SLC2A13: variants seen among roughly 807,000 people sequenced by gnomAD.
The protein encoded by SLC2A13 is solute carrier family 2 member 13.
In SLC2A13, 32 loss-of-function variants were observed where a neutral mutation model predicts 64.4. The observed-to-expected ratio is 0.50, with a 90% CI of 0.37 to 0.67. The LOEUF is 0.67. Ranked by LOEUF, SLC2A13 falls within the 30% of genes least tolerant of loss-of-function variation. The probability of loss-of-function intolerance (pLI) is 0.00; values close to 1 mark genes in which losing one functional copy is unlikely to be tolerated. For missense variants in SLC2A13, 743 were observed against 829.2 expected, an observed-to-expected ratio of 0.90 and a Z score of 1.28; for synonymous variants, 338 against 327.1, an observed-to-expected ratio of 1.03 and a Z score of -0.36.
chr12:39,814,684 C>T (rs1012736753), intron 7 of SLC2A13, among the ~76,000 whole-genome samples: 1 of 152,156 alleles, frequency 6.6e-6, no homozygotes, highest in Non-Finnish European at 1.5e-5. Context: ...CATACAATTA[C>T]GTCTGCTATC....
chr12:40,096,387 ATTTTC>A (rs1450303697), intron 1 of SLC2A13, among the ~76,000 whole-genome samples: 4 of 151,916 alleles, frequency 2.6e-5, no homozygotes, highest in African/African-American at 7.2e-5. Context: ...GGATAAATAT[ATTTTC>A]TTTTAAGTAA....
At chr12:40,050,975 T>C (rs984631010) in intron 1 of SLC2A13, among the ~76,000 whole-genome samples, 2 of 152,190 alleles carry the variant, frequency 1.3e-5, no homozygotes, top group African/African-American at 4.8e-5. Flanking sequence ...AGGTAGTCAA[T>C]AAGATCAGCA....
intron 3 of SLC2A13, among the ~76,000 whole-genome samples, chr12:39,992,910 T>C (rs1434170835): frequency 6.6e-6 from 1 of 152,244 alleles, no homozygotes; most frequent in Non-Finnish European, 1.5e-5. Context: ...GTTATTTTCC[T>C]TTCCTTAACC....
chr12:39,761,703 G>A (rs1340750047), intron 9 of SLC2A13, among the ~76,000 whole-genome samples: 2 of 151,950 alleles, frequency 1.3e-5, no homozygotes, highest in Non-Finnish European at 2.9e-5. Flanking sequence ...GGTAGGAAGA[G>A]AAATGGAATC....
chr12:40,031,132 G>C (rs1438009588), intron 2 of SLC2A13, among the ~76,000 whole-genome samples: 1 of 152,174 alleles, frequency 6.6e-6, no homozygotes, highest in Non-Finnish European at 1.5e-5. Flanking sequence ...GAGCTTATAT[G>C]ACAGAGAGGA....
At chr12:39,869,702 T>A (rs367817735) in intron 5 of SLC2A13, among the ~76,000 whole-genome samples, 26 of 151,592 alleles carry the variant, frequency 1.7e-4, no homozygotes, top group African/African-American at 6.3e-4. Flanking sequence ...TGGAAATCCT[T>A]GGGCAGAAGA....
chr12:40,016,250 T>C (rs578142566), intron 3 of SLC2A13, among the ~76,000 whole-genome samples: 95 of 152,252 alleles, frequency 6.2e-4, no homozygotes, highest in Non-Finnish European at 1.1e-3. Context: ...ATTATTAAGC[T>C]TAAGACAGAA....
chr12:39,797,213 G>T (rs1431313493), intron 7 of SLC2A13, among the ~76,000 whole-genome samples: 1 of 152,104 alleles, frequency 6.6e-6, no homozygotes, highest in African/African-American at 2.4e-5. Flanking sequence ...AAGTAAGCAC[G>T]CCAACATACC....
At chr12:40,078,514 C>CGATGTG (rs1938268701) in intron 1 of SLC2A13, among the ~76,000 whole-genome samples, 1 of 152,092 alleles carries the variant, frequency 6.6e-6, no homozygotes, top group Non-Finnish European at 1.5e-5. Context: ...ATTAGCTTTT[C>CGATGTG]GATGTGCTGC....
chr12:39,775,108 T>C (rs890617208), intron 7 of SLC2A13, among the ~76,000 whole-genome samples: 2 of 152,222 alleles, frequency 1.3e-5, no homozygotes, highest in Non-Finnish European at 2.9e-5. Flanking sequence ...TGTACTTTTC[T>C]CTGTGCTTTC....
At chr12:39,793,606 A>C (rs1941478218) in intron 7 of SLC2A13, among the ~76,000 whole-genome samples, 1 of 152,124 alleles carries the variant, frequency 6.6e-6, no homozygotes, top group South Asian at 2.1e-4. Flanking sequence ...GCCAACCAGA[A>C]TCTCTTCTGC....
At chr12:40,038,759 AGGGAAAGGGAAG>A (rs1364948097) in intron 2 of SLC2A13, among the ~76,000 whole-genome samples, 1 of 91,890 alleles carries the variant, frequency 1.1e-5, no homozygotes, top group African/African-American at 4.7e-5. Context: ...GAAAAGAAAA[AGGGAAAGGGAAG>A]GGGAAAGGGA....
At chr12:39,858,709 C>A (rs369227954) in intron 6 of SLC2A13, among the ~76,000 whole-genome samples, 1 of 152,082 alleles carries the variant, frequency 6.6e-6, no homozygotes, top group African/African-American at 2.4e-5. Context: ...CAGGTTCAAG[C>A]GATTCTCCTG....
At chr12:39,807,320 G>A (rs1942010986) in intron 7 of SLC2A13, among the ~76,000 whole-genome samples, 1 of 152,072 alleles carries the variant, frequency 6.6e-6, no homozygotes, top group African/African-American at 2.4e-5. Context: ...TGATAACACT[G>A]TATAAAATAC....
chr12:39,782,810 G>C (rs1941043262), intron 7 of SLC2A13, among the ~76,000 whole-genome samples: 1 of 152,196 alleles, frequency 6.6e-6, no homozygotes, highest in African/African-American at 2.4e-5. Context: ...GGCTGAGGTG[G>C]TCTCAGAGGG....
chr12:40,012,185 A>C (rs1432563035), intron 3 of SLC2A13, among the ~76,000 whole-genome samples: 1 of 152,228 alleles, frequency 6.6e-6, no homozygotes, highest in Non-Finnish European at 1.5e-5. Flanking sequence ...TTGAAATCAA[A>C]TTTATCAACA....
intron 7 of SLC2A13, among the ~76,000 whole-genome samples, chr12:39,814,009 ATATTGTATTG>A (rs1187018201): frequency 1.1e-4 from 17 of 152,208 alleles, no homozygotes; most frequent in African/African-American, 3.4e-4. Context: ...TACTTCATCT[ATATTGTATTG>A]CCAAATTCTG....
intron 4 of SLC2A13, among the ~76,000 whole-genome samples, chr12:39,929,345 G>A (rs1225750393): frequency 6.6e-6 from 1 of 152,096 alleles, no homozygotes; most frequent in Non-Finnish European, 1.5e-5. Context: ...GACGTCAGGA[G>A]TTCGAGACTA....
chr12:40,028,646 T>G (rs1947861176), intron 2 of SLC2A13, 137 bp from the exon 3 acceptor site: 1 of 749,822 alleles, frequency 1.3e-6, no homozygotes, highest in East Asian at 2.7e-5. Flanking sequence ...TTTATGTGTG[T>G]GTCTGTCACT....
Sources: allele counts gnomAD v4.1 joint callset (sites outside exome capture counted in the v4.1 genomes callset), GRCh38; gene constraint gnomAD v4.1.1; transcripts MANE v1.5; gene names NCBI Gene and HGNC (gene_info 2026-07-23, HGNC 2026-07-21).